ZSCAN10: variants seen among roughly 807,000 people sequenced by gnomAD.
ZSCAN10 encodes the protein zinc finger and SCAN domain-containing protein 10.
ZSCAN10 carries 52 observed loss-of-function variants against 63.7 expected under a neutral mutation model. The observed-to-expected ratio is 0.82, with a 90% CI of 0.65 to 1.03. ZSCAN10 has a LOEUF of 1.03. Among genes scored for constraint, ZSCAN10 ranks in the 50% least tolerant of loss-of-function variants. ZSCAN10 has a pLI of 0.00. For missense variants in ZSCAN10, 1,223 were observed against 1,103.8 expected (o/e 1.11, Z -1.53); for synonymous variants, 544 against 479.6 (o/e 1.13, Z -1.76).
In ZSCAN10 at chr16:3,089,379, C is replaced by T. The variant is rs1214931085; in HGVS notation, c.2055G>A (p.Thr685=). ...SNLARHRRSH[T]GERPYSCQTC... ...TCTGACAGCTGTAGGGCCGCTCGCC[C>T]GTGTGGCTGCGGCGATGGCGGGCCA... The change falls in exon 6 of 6, where the codon ACG becomes ACA. Residue 685 remains threonine, a synonymous_variant. Coordinates refer to ENST00000576985, the MANE Select transcript of ZSCAN10 (RefSeq NM_032805.3). The T allele has an allele frequency of 1.9e-6, 3 of 1,602,572 alleles. No homozygotes were observed. Among genetic ancestry groups the T allele is most frequent in the African/African-American group, 2.7e-5 (2 of 74,626 alleles).
intron 5 of ZSCAN10, 85 bp downstream of exon 5, chr16:3,091,455 C>T (rs1957073398): frequency 1.4e-6 from 2 of 1,472,874 alleles, no homozygotes; most frequent in Non-Finnish European, 1.9e-6. Flanking sequence ...CTAGCCTGGG[C>T]AACATAGCGA....
chr16:3,090,461 C>G lies in ZSCAN10; in HGVS notation c.973G>C (p.Gly325Arg), dbSNP rs1315811646. Residue 325 changes from glycine to arginine, a missense_variant, in exon 6 of 6, where the codon GGC becomes CGC. Gly to Arg is a moderately radical substitution (Grantham distance 125). Transcript: ENST00000576985. ...SGPGEDGSLL[G>R]SSEILEVKVA... Reference sequence around the variant, plus strand: ...TTGACCTCCAAAATTTCACTGCTGCCAAGAAGGGACCCATCTTCACCAGGG... The same window carrying G: ...TTGACCTCCAAAATTTCACTGCTGCGAAGAAGGGACCCATCTTCACCAGGG... 6.2e-7 allele frequency: 1 copy of G among 1,613,814 alleles called. No individual in the cohort carries two copies.
At position 3,089,684 on chromosome 16, in the gene ZSCAN10, C is replaced by T. The variant is rs199627380; in HGVS notation, c.1750G>A (p.Gly584Arg). The T allele has an allele frequency of 3.7e-6, 6 of 1,603,526 alleles. No homozygotes were observed. In the South Asian group the frequency reaches 5.5e-5, roughly 15 times the overall value. ...GEKPYACPQC[G>R]KRFVRRASLA... ...CTGGCCCGGCGCACAAAGCGCTTCC[C>T]GCACTGCGGACAGGCGTAGGGCTTC... is the stretch of plus-strand genomic sequence containing the variant. The change falls in exon 6 of 6, where the codon GGG becomes AGG. Residue 584 changes from glycine to arginine, a missense_variant. Gly to Arg is a moderately radical substitution (Grantham distance 125, BLOSUM62 -2). Transcript: ENST00000576985.
In ZSCAN10 at chr16:3,088,902, C is replaced by T. The variant is rs111291324; in HGVS notation, c.*189G>A. On this transcript the variant is annotated 3_prime_UTR_variant, in exon 6 of 6. Coordinates refer to ENST00000576985, the MANE Select transcript of ZSCAN10 (RefSeq NM_032805.3). ...TAAAGAGGGGCCATTTTGGAGAAGG[C>T]CATTTTACTTCGGGCGTTTTAATTA... is the stretch of plus-strand genomic sequence containing the variant. 7.3e-5 allele frequency: 85 copies of T among 1,164,678 alleles called. 2 individuals are homozygous for T. In the African/African-American group the frequency reaches 9.9e-4, roughly 14 times the overall value. 72.1% of individuals were successfully genotyped at this position (1,164,678 alleles called of 1,614,324 possible).
chr16:3,091,629 AG>A, intron 4 of ZSCAN10, 32 bp from the exon 5 acceptor site: 1 of 1,613,858 alleles, frequency 6.2e-7, no homozygotes, highest in Non-Finnish European at 8.5e-7. Context: ...TTGGTGAGTG[AG>A]GAACATGCCT....
intron 1 of ZSCAN10, among the ~76,000 whole-genome samples, chr16:3,095,341 C>T (rs1031935043): frequency 1.1e-4 from 17 of 151,886 alleles, no homozygotes; most frequent in African/African-American, 3.1e-4. Flanking sequence ...CATGGTGAAA[C>T]CCCGTCTCTA....
At position 3,092,934 on chromosome 16, in the gene ZSCAN10, G is replaced by A; in HGVS notation, c.4C>T (p.Leu2Phe). 7.0e-7 allele frequency: 1 copy of A among 1,423,868 alleles called. No individual in the cohort carries two copies. Among genetic ancestry groups the A allele is most frequent in the East Asian group, 2.6e-5 (1 of 38,380 alleles). 88.2% of individuals were successfully genotyped at this position (1,423,868 alleles called of 1,614,324 possible). ...ACGGCAGCTGGGACTGATTCTCCAA[G>A]CATCCTTCACTGCGGGGATGCCTCC... M[L>F]GESVPAAVEQ... The change falls in exon 2 of 6, where the codon CTT becomes TTT. Residue 2 changes from leucine (L) to phenylalanine (F), a missense_variant. By Grantham distance (22) the Leu-to-Phe change is conservative. Transcript: ENST00000576985.
At position 3,089,639 on chromosome 16, in the gene ZSCAN10, T is replaced by C. The variant is rs1032415264; in HGVS notation, c.1795A>G (p.Thr599Ala). Reference sequence around the variant, plus strand: ...TGGTGGGGCCGAGGGCCACCGTGGGTCAGCAGGTGGCGGGCAAGGCTGGCC... The same window carrying C: ...TGGTGGGGCCGAGGGCCACCGTGGGCCAGCAGGTGGCGGGCAAGGCTGGCC... ...RRASLARHLL[T>A]HGGPRPHHCT... Residue 599 changes from threonine to alanine, a missense_variant, in exon 6 of 6, where the codon ACC (threonine) becomes GCC (alanine). Physicochemically the swap from Thr to Ala is moderately conservative, Grantham distance 58. Transcript: ENST00000576985. The C allele has an allele frequency of 6.3e-7, 1 of 1,589,076 alleles. No individual in the cohort carries two copies. The highest frequency in any genetic ancestry group is 8.6e-7 in the Non-Finnish European group (1 of 1,167,810).
intron 1 of ZSCAN10, among the ~76,000 whole-genome samples, chr16:3,095,275 T>C (rs1422795258): frequency 6.6e-6 from 1 of 152,094 alleles, no homozygotes; most frequent in Non-Finnish European, 1.5e-5. Context: ...CCCAGCACTT[T>C]GGGAGGCTGA....
chr16:3,091,252 C>G (rs1957070409), intron 5 of ZSCAN10, among the ~76,000 whole-genome samples: 2 of 152,144 alleles, frequency 1.3e-5, no homozygotes, highest in African/African-American at 4.8e-5. Flanking sequence ...GTCCCGGCTG[C>G]AGTGAGCCAT....
chr16:3,089,222 T>G lies in ZSCAN10; in HGVS notation c.2212A>C (p.Asn738His). The G allele has an allele frequency of 6.4e-7, 1 of 1,570,056 alleles. No homozygotes were observed. Among genetic ancestry groups the G allele is most frequent in the East Asian group, 2.4e-5 (1 of 41,818 alleles). ...ECGKSFSRSC[N>H]LLRHLLVHTG... Reference sequence around the variant, plus strand: ...TGCACCAGCAGGTGTCGCAGCAGATTGCAGCTGCGGCTGAAGCTCTTCCCG... The same window carrying G: ...TGCACCAGCAGGTGTCGCAGCAGATGGCAGCTGCGGCTGAAGCTCTTCCCG... The change falls in exon 6 of 6, where the codon AAT becomes CAT. Residue 738 changes from asparagine (N) to histidine (H), a missense_variant. Physicochemically the swap from Asn to His is moderately conservative, Grantham distance 68. Coordinates refer to ENST00000576985, the MANE Select transcript of ZSCAN10 (RefSeq NM_032805.3).
chr16:3,089,233 C>T lies in ZSCAN10; in HGVS notation c.2201G>A (p.Ser734Asn). The change falls in exon 6 of 6, where the codon AGC (serine) becomes AAC (asparagine). Residue 734 changes from serine to asparagine, a missense_variant. By Grantham distance (46) the Ser-to-Asn change is conservative (BLOSUM62 1). Transcript: ENST00000576985. ...GTGTCGCAGCAGATTGCAGCTGCGG[C>T]TGAAGCTCTTCCCGCACTCCACGCA... ...QECVECGKSF[S>N]RSCNLLRHLL... 1.9e-6 allele frequency: 3 copies of T among 1,584,012 alleles called. No homozygotes were observed. The Admixed American group carries it at 5.2e-5, about 27-fold the overall frequency.
Position 3,090,123 on chromosome 16 carries a change from G to A in ZSCAN10, c.1311C>T (p.Cys437=). The A allele has an allele frequency of 6.3e-7, 1 of 1,599,786 alleles. No individual in the cohort carries two copies. The highest frequency in any genetic ancestry group is 1.1e-5 in the South Asian group (1 of 90,334). The part of the protein sequence containing the change: ...SSEPAFLCAE[C]GRGFQRRASL... ...TGGCGCGGCGCTGGAAGCCGCGGCC[G>A]CACTCTGCGCACAGGAAGGCGGGTT... Residue 437 remains cysteine (C), a synonymous_variant, in exon 6 of 6, where the codon TGC becomes TGT. Transcript: ENST00000576985.
In ZSCAN10 at chr16:3,092,907, C is replaced by G. The variant is rs941217989; in HGVS notation, c.31G>C (p.Glu11Gln). The G allele has an allele frequency of 1.4e-6, 2 of 1,438,302 alleles. No individual in the cohort carries two copies. The highest frequency in any genetic ancestry group is 9.1e-7 in the Non-Finnish European group (1 of 1,095,412). The allele number at this position is 1,438,302 out of a possible 1,614,324, so 89.1% of individuals were successfully genotyped here. Residue 11 changes from glutamate to glutamine, a missense_variant, in exon 2 of 6, where the codon GAG becomes CAG. Glu to Gln is a conservative substitution (Grantham distance 29). Coordinates refer to ENST00000576985, the MANE Select transcript of ZSCAN10 (RefSeq NM_032805.3). ...TTGACTTCCCCCAGCTGCTCCTGCT[C>G]CACGGCAGCTGGGACTGATTCTCCA... MLGESVPAAVEQEQLGEVKLE... is the reference protein window; with the variant it reads MLGESVPAAVQQEQLGEVKLE...
At chr16:3,096,922 CTG>C in intron 1 of ZSCAN10, among the ~76,000 whole-genome samples, 1 of 137,722 alleles carries the variant, frequency 7.3e-6, no homozygotes, top group East Asian at 2.2e-4. Flanking sequence ...GAATTAGACT[CTG>C]CCTCAAAAAA....
rs1032415264 is a variant in ZSCAN10, at chr16:3,089,639, T to A, written c.1795A>T (p.Thr599Ser). 1 of 1,589,076 alleles carries A rather than the reference T, an allele frequency of 6.3e-7. No homozygotes were observed. The highest frequency in any genetic ancestry group is 8.6e-7 in the Non-Finnish European group (1 of 1,167,810). Residue 599 changes from threonine (T) to serine (S), a missense_variant, in exon 6 of 6, where the codon ACC becomes TCC. By Grantham distance (58) the Thr-to-Ser change is moderately conservative (BLOSUM62 1). Transcript: ENST00000576985. ...TGGTGGGGCCGAGGGCCACCGTGGGTCAGCAGGTGGCGGGCAAGGCTGGCC... is the reference window on the plus strand; with the variant it reads ...TGGTGGGGCCGAGGGCCACCGTGGGACAGCAGGTGGCGGGCAAGGCTGGCC... ...RRASLARHLL[T>S]HGGPRPHHCT... is the part of the protein sequence containing the mutation.
At chr16:3,096,622 G>C (rs1957155647) in intron 1 of ZSCAN10, 1 of 152,240 alleles carries the variant, frequency 6.6e-6, no homozygotes, top group South Asian at 2.1e-4. Flanking sequence ...AGGACACTAA[G>C]GCTCAGCAAA....
At position 3,090,621 on chromosome 16, in the gene ZSCAN10, C is replaced by T. The variant is rs2151215052; in HGVS notation, c.813G>A (p.Lys271=). The change falls in exon 6 of 6, where the codon AAG becomes AAA. Residue 271 remains lysine, a synonymous_variant. Transcript: ENST00000576985. Reference sequence around the variant, plus strand: ...TGGGCTCTTCTTGTTTAAATTCCTCCTTGTCTGGGGTTCTGCTTCCGAATC... The same window carrying T: ...TGGGCTCTTCTTGTTTAAATTCCTCTTTGTCTGGGGTTCTGCTTCCGAATC... ...PLGFGSRTPD[K]EEFKQEEPKG... The T allele has an allele frequency of 6.4e-7, 1 of 1,550,866 alleles. No individual in the cohort carries two copies. Among genetic ancestry groups the T allele is most frequent in the Non-Finnish European group, 8.7e-7 (1 of 1,148,048 alleles).
chr16:3,089,186 T>C lies in ZSCAN10; in HGVS notation c.2248A>G (p.Arg750Gly). The change falls in exon 6 of 6, where the codon AGG becomes GGG. Residue 750 changes from arginine (R) to glycine (G), a missense_variant. Physicochemically the swap from Arg to Gly is moderately radical, Grantham distance 125 (BLOSUM62 -2). Transcript: ENST00000576985. The stretch of plus-strand genomic sequence containing the variant: ...CCACACTGCGTGCAGGAGTAGGGCC[T>C]GGCGCCCGTGTGCACCAGCAGGTGT... Reference protein sequence around the residue: ...LRHLLVHTGARPYSCTQCGRS... With the variant: ...LRHLLVHTGAGPYSCTQCGRS... 1 of 1,576,262 alleles carries C rather than the reference T, an allele frequency of 6.3e-7. No individual in the cohort carries two copies. The highest frequency in any genetic ancestry group is 8.6e-7 in the Non-Finnish European group (1 of 1,168,942).
Sources: gnomAD v4.1 joint callset for allele counts (sites outside exome capture counted in the v4.1 genomes callset) on GRCh38, gnomAD v4.1.1 for gene constraint, MANE v1.5 for transcripts, NCBI Gene and HGNC (gene_info 2026-07-23, HGNC 2026-07-21) for gene names.